Variants in PNKD observed in about 807,000 individuals in gnomAD.
The protein encoded by PNKD is probable thioesterase PNKD.
In PNKD, 36 loss-of-function variants were observed where a neutral mutation model predicts 45.3. That is an observed-to-expected ratio of 0.80 (90% CI 0.61 to 1.05). PNKD has a LOEUF of 1.05. PNKD is among the 50% of genes least tolerant of loss of function. The pLI, the probability that PNKD is intolerant of heterozygous loss-of-function variation, is 0.00. For missense variants in PNKD, 511 were observed against 506.6 expected (o/e 1.01, Z -0.08); for synonymous variants, 197 against 210.1 (o/e 0.94, Z 0.54).
intron 2 of PNKD, among the ~76,000 whole-genome samples, chr2:218,308,521 G>A (rs1693488006): frequency 1.3e-5 from 2 of 149,948 alleles, no homozygotes; most frequent in South Asian, 4.2e-4. Flanking sequence ...GTTTACAGAG[G>A]TACAATCGTA....
At chr2:218,339,980 C>T (rs1694623138) in intron 3 of PNKD, 49 bp from the exon 4 acceptor site, 1 of 1,482,118 alleles carries the variant, frequency 6.7e-7, no homozygotes, top group Admixed American at 1.7e-5. Flanking sequence ...TACCCCAGCC[C>T]CTGGGCTCCC....
chr2:218,345,792 C>T lies in PNKD; in HGVS notation c.*811C>T, dbSNP rs1045712610. Reference sequence around the variant, plus strand: ...TGCCTCTGCCCTGGGCCAAAAGGGCCCCTCCTTGCCAGGGGAGAGACAGCC... The same window carrying T: ...TGCCTCTGCCCTGGGCCAAAAGGGCTCCTCCTTGCCAGGGGAGAGACAGCC... On this transcript the variant is annotated 3_prime_UTR_variant, in exon 10 of 10. Coordinates refer to ENST00000273077, the MANE Select transcript of PNKD (RefSeq NM_015488.5). 6.6e-6 allele frequency: 1 copy of T among 152,418 alleles called. No individual in the cohort carries two copies. Among genetic ancestry groups the T allele is most frequent in the Admixed American group, 6.5e-5 (1 of 15,288 alleles). 9.4% of individuals were successfully genotyped at this position (152,418 alleles called of 1,614,324 possible).
chr2:218,292,339 C>G (rs1359979225), intron 2 of PNKD: 1 of 152,254 alleles, frequency 6.6e-6, no homozygotes, highest in African/African-American at 2.4e-5. Context: ...TCCTTGGGCC[C>G]AGGAGCGGGC....
rs1553667776 is a variant in PNKD at position 218,315,057 on chromosome 2, T to TTCCTTCCTTC, written c.237-24726_237-24725insTCCTTCCTTC. Reference sequence around the variant, plus strand: ...CTTTCTTTTTCTTTCTTTCTTTCTTTCTTCCTTCCTTCCTTCCTTTCTTTC... The same window carrying TTCCTTCCTTC: ...CTTTCTTTTTCTTTCTTTCTTTCTTTTCCTTCCTTCCTTCCTTCCTTCCTTCCTTTCTTTC... On this transcript the variant is annotated intron_variant, in intron 2 of 9. Transcript: ENST00000273077. Among the ~76,000 whole-genome samples, 182 of 55,634 alleles carry TTCCTTCCTTC rather than the reference T, an allele frequency of 3.3e-3. 20 individuals are homozygous for TTCCTTCCTTC. The highest frequency in any genetic ancestry group is 5.4e-3 in the Admixed American group (23 of 4,228). 36.5% of individuals were successfully genotyped at this position (55,634 alleles called of 152,430 possible). A position where few individuals can be genotyped will look rare whatever the true frequency, so the allele number is the denominator to read the frequency against.
At chr2:218,291,924 C>T (rs539635919) in intron 2 of PNKD, among the ~76,000 whole-genome samples, 41 of 152,254 alleles carry the variant, frequency 2.7e-4, no homozygotes, top group African/African-American at 9.6e-4. Flanking sequence ...GCTTCTGCCC[C>T]AGCTGCAAGC....
At chr2:218,325,509 A>G (rs904401264) in intron 2 of PNKD, among the ~76,000 whole-genome samples, 4 of 152,066 alleles carry the variant, frequency 2.6e-5, no homozygotes, top group Non-Finnish European at 5.9e-5. Context: ...CCCAGCCCAT[A>G]TTTGGGATTT....
At position 218,326,168 on chromosome 2, in the gene PNKD, G is replaced by A. The variant is rs935644012; in HGVS notation, c.237-13615G>A. Among the ~76,000 whole-genome samples, 1 of 152,114 alleles carries A rather than the reference G, an allele frequency of 6.6e-6. No homozygotes were observed. Among genetic ancestry groups the A allele is most frequent in the Non-Finnish European group, 1.5e-5 (1 of 68,018 alleles). On this transcript the variant is annotated intron_variant, in intron 2 of 9. Transcript: ENST00000273077. This position sits in a 1 kb window ranked among gnomAD's most constrained non-coding sequence, Gnocchi z 4.1. ...AGGATCGCAAATAGAGGATTCTACT[G>A]GGGGTGGAAAGGCAATGATGGAAAC...
rs1690839400 is a variant in PNKD, at chr2:218,271,676, T to C, written c.236+127T>C. 19 of 784,024 alleles carry C rather than the reference T, an allele frequency of 2.4e-5. No homozygotes were observed. The South Asian group carries it at 3.0e-4, about 12-fold the overall frequency. The allele number at this position is 784,024 out of a possible 1,614,324, so 48.6% of individuals were successfully genotyped here. On this transcript the variant is annotated intron_variant, in intron 2 of 9. Transcript: ENST00000273077. ...AGTTGTGGGAACAGAATTGTTGGGTTCGATTGGAATCTCAGAGGGGTGGGG... is the reference window on the plus strand; with the variant it reads ...AGTTGTGGGAACAGAATTGTTGGGTCCGATTGGAATCTCAGAGGGGTGGGG...
chr2:218,277,932 T>TA lies in PNKD; in HGVS notation c.236+6384dup, dbSNP rs771374164. On this transcript the variant is annotated intron_variant, in intron 2 of 9. Transcript: ENST00000273077. ...CACCCTCCTGCCACCCTTCTAGACT[T>TA]ACAAAAAGGGTCAGCAGAATGATGT... is the stretch of plus-strand genomic sequence containing the variant. 98 of 1,613,886 alleles carry TA rather than the reference T, an allele frequency of 6.1e-5. 1 individual carries two copies. In the African/African-American group the frequency reaches 1.1e-3, roughly 18 times the overall value.
intron 2 of PNKD, among the ~76,000 whole-genome samples, chr2:218,333,639 C>G (rs1199262692): frequency 2.0e-5 from 3 of 152,030 alleles, no homozygotes; most frequent in Non-Finnish European, 4.4e-5. Flanking sequence ...ATGACTTGCC[C>G]AAGGTCACAG....
chr2:218,302,366 A>T (rs1693293454), intron 2 of PNKD, among the ~76,000 whole-genome samples: 2 of 152,098 alleles, frequency 1.3e-5, no homozygotes, highest in African/African-American at 4.8e-5. Flanking sequence ...AAAACAAAAG[A>T]GTGGCACCCA....
chr2:218,281,164 T>C (rs1691942609), intron 2 of PNKD, among the ~76,000 whole-genome samples: 1 of 143,980 alleles, frequency 6.9e-6, no homozygotes, highest in African/African-American at 2.5e-5. Flanking sequence ...GACAGAGTCT[T>C]GCTCTGTTGC....
At chr2:218,300,938 C>A (rs1693254086) in intron 2 of PNKD, among the ~76,000 whole-genome samples, 1 of 152,112 alleles carries the variant, frequency 6.6e-6, no homozygotes, top group Non-Finnish European at 1.5e-5. Flanking sequence ...GTTACTTTTT[C>A]ATCAGAAATA....
rs535503710 is a variant in PNKD, at chr2:218,271,079, C to A, written c.68-302C>A. 81 of 517,216 alleles carry A rather than the reference C, an allele frequency of 1.6e-4. No individual in the cohort carries two copies. The East Asian group carries it at 2.8e-3, about 18-fold the overall frequency. 32.0% of individuals were successfully genotyped at this position (517,216 alleles called of 1,614,324 possible). On this transcript the variant is annotated intron_variant, in intron 1 of 9. Transcript: ENST00000273077. ...AACCTTTTCCCGGATTTCCTTCATACGTCTTATGTGAGTCCCACTGCAGTC... is the reference window on the plus strand; with the variant it reads ...AACCTTTTCCCGGATTTCCTTCATAAGTCTTATGTGAGTCCCACTGCAGTC...
At chr2:218,338,325 G>A (rs1366840379) in intron 2 of PNKD, among the ~76,000 whole-genome samples, 1 of 151,296 alleles carries the variant, frequency 6.6e-6, no homozygotes, top group Non-Finnish European at 1.5e-5. Context: ...GCCGGGCATG[G>A]TGGTGTGAGC....
Position 218,323,045 on chromosome 2 carries a change from A to T in PNKD, c.237-16738A>T, listed in dbSNP as rs1694033341. 3 of 337,608 alleles carry T rather than the reference A, an allele frequency of 8.9e-6. No individual in the cohort carries two copies. The East Asian group carries it at 1.9e-4, about 22-fold the overall frequency. 20.9% of individuals were successfully genotyped at this position (337,608 alleles called of 1,614,324 possible). A position where few individuals can be genotyped will look rare whatever the true frequency, so the allele number is the denominator to read the frequency against. ...GCTGTGGCCCCGCCTCCTGGCCGCC[A>T]GCCGGGCGGAGCCAGGCCGCCCCCC... On this transcript the variant is annotated intron_variant, in intron 2 of 9. Transcript: ENST00000273077.
At position 218,305,074 on chromosome 2, in the gene PNKD, AAAAT is replaced by A. The variant is rs561595878; in HGVS notation, c.236+33541_236+33544del. ...GGTGACAGAGCAAGACTCCATCTCA[AAAAT>A]AAATAAATAAATAAAGTGGGGCGAC... is the stretch of plus-strand genomic sequence containing the variant. On this transcript the variant is annotated intron_variant, in intron 2 of 9. Coordinates refer to ENST00000273077, the MANE Select transcript of PNKD (RefSeq NM_015488.5). 3.9e-3 allele frequency among the ~76,000 whole-genome samples: 597 copies of A among 151,934 alleles called. 5 individuals carry two copies. The highest frequency in any genetic ancestry group is 0.011 in the African/African-American group (470 of 41,458).
At chr2:218,336,696 G>A (rs1694502835) in intron 2 of PNKD, among the ~76,000 whole-genome samples, 1 of 151,724 alleles carries the variant, frequency 6.6e-6, no homozygotes. Flanking sequence ...GCCCAGTCTG[G>A]TCTCAAAATC....
chr2:218,327,383 A>C (rs1222996357), intron 2 of PNKD, among the ~76,000 whole-genome samples: 1 of 152,092 alleles, frequency 6.6e-6, no homozygotes, highest in East Asian at 1.9e-4. Flanking sequence ...CAGCCCCCCG[A>C]ATGAGGCCAG....
Sources: gnomAD v4.1 joint callset for allele counts (sites outside exome capture counted in the v4.1 genomes callset) on GRCh38, gnomAD v4.1.1 for gene constraint, Gnocchi (gnomAD v3.1) non-coding constraint, MANE v1.5 for transcripts, NCBI Gene and HGNC (gene_info 2026-07-23, HGNC 2026-07-21) for gene names.